ADGRG7: variants seen among roughly 807,000 people sequenced by gnomAD.
The protein encoded by ADGRG7 is adhesion G protein-coupled receptor G7.
ADGRG7 carries 82 observed loss-of-function variants against 88.6 expected under a neutral mutation model. That is an observed-to-expected ratio of 0.93 (90% confidence interval 0.77 to 1.11). The LOEUF is 1.11. Ranked by LOEUF, ADGRG7 falls within the 50% of genes most tolerant of loss-of-function variation. The pLI, the probability that ADGRG7 is intolerant of heterozygous loss-of-function variation, is 0.00. For synonymous variants in ADGRG7, 381 were observed against 345.2 expected (o/e 1.10, Z -1.15); for missense variants, 945 against 953.4 (o/e 0.99, Z 0.12).
intron 15 of ADGRG7, among the ~76,000 whole-genome samples, chr3:100,688,338 CA>C (rs2149043332): frequency 6.6e-6 from 1 of 152,274 alleles, no homozygotes; most frequent in African/African-American, 2.4e-5. Context: ...CTCCTGGATT[CA>C]TTGATTTTTT....
chr3:100,611,345 G>T (rs7624452), intron 1 of ADGRG7, among the ~76,000 whole-genome samples: 12 of 136,386 alleles, frequency 8.8e-5, no homozygotes, highest in East Asian at 2.0e-4. Context: ...CCTTCCCCCC[G>T]TTCCTTTTTT....
Position 100,660,002 on chromosome 3 carries a change from G to T in ADGRG7, c.1979+159G>T, listed in dbSNP as rs7650364. Among the ~76,000 whole-genome samples, 780 of 152,284 alleles carry T rather than the reference G, an allele frequency of 5.1e-3. 9 individuals are homozygous for T. Among genetic ancestry groups the T allele is most frequent in the African/African-American group, 0.018 (744 of 41,554 alleles). On this transcript the variant is annotated intron_variant, in intron 14 of 15. Transcript: ENST00000273352. ...TTTTCTCTTACACTTTGACTCAGAA[G>T]GTGGATCTTCTCGTCTTCTCACATC...
At chr3:100,655,808 A>G (rs2149029608) in intron 12 of ADGRG7, 91 bp from the exon 13 acceptor site, 1 of 767,062 alleles carries the variant, frequency 1.3e-6, no homozygotes, top group South Asian at 1.7e-5. Context: ...TACATCCTGA[A>G]GAGGGTCAGA....
chr3:100,616,247 C>A (rs1163357764), intron 1 of ADGRG7, among the ~76,000 whole-genome samples: 2 of 151,968 alleles, frequency 1.3e-5, no homozygotes, highest in Non-Finnish European at 2.9e-5. Flanking sequence ...GTTTACAATA[C>A]AAAATTACAT....
intron 14 of ADGRG7, among the ~76,000 whole-genome samples, chr3:100,663,156 C>T (rs528141959): frequency 1.2e-4 from 18 of 152,154 alleles, no homozygotes; most frequent in South Asian, 4.1e-4. Flanking sequence ...TTCTAATGTA[C>T]GGCAGGTCAA....
intron 13 of ADGRG7, 26 bp downstream of exon 13, chr3:100,656,021 C>T (rs1251437528): frequency 2.8e-6 from 4 of 1,409,926 alleles, no homozygotes; most frequent in African/African-American, 1.4e-5. Context: ...TTTAAATGTC[C>T]AATTGTTTGA....
intron 10 of ADGRG7, among the ~76,000 whole-genome samples, chr3:100,649,159 C>T (rs979023547): frequency 3.3e-5 from 5 of 152,150 alleles, no homozygotes; most frequent in Admixed American, 3.3e-4. Flanking sequence ...TGATTTTAGA[C>T]ATCAAGGAAA....
chr3:100,623,795 G>A (rs969592121), intron 1 of ADGRG7, among the ~76,000 whole-genome samples: 5 of 152,044 alleles, frequency 3.3e-5, no homozygotes, highest in African/African-American at 1.2e-4. Flanking sequence ...GTGAGAACAT[G>A]CGGTGTTTGG....
chr3:100,636,884 C>T (rs1016939186), intron 5 of ADGRG7, among the ~76,000 whole-genome samples: 2 of 152,174 alleles, frequency 1.3e-5, no homozygotes, highest in Admixed American at 1.3e-4. Context: ...AATAATTTTA[C>T]TAAGTCTAAC....
At chr3:100,616,284 A>G (rs1707223838) in intron 1 of ADGRG7, among the ~76,000 whole-genome samples, 1 of 152,218 alleles carries the variant, frequency 6.6e-6, no homozygotes, top group African/African-American at 2.4e-5. Context: ...GAGAGACATC[A>G]GATGTCATCA....
chr3:100,666,531 C>T (rs1427017869), intron 14 of ADGRG7, among the ~76,000 whole-genome samples: 12 of 152,228 alleles, frequency 7.9e-5, no homozygotes, highest in Admixed American at 7.8e-4. Flanking sequence ...AGCCCTAAGG[C>T]GGTTTTTCCC....
rs1219839461 is a variant in ADGRG7, at chr3:100,685,593, C to A, written c.2137-9151C>A. ...TCTGTGTCCATGTGTTCTCATTGTT[C>A]AATTCCCACCTATGAGTGAGAACAT... On this transcript the variant is annotated intron_variant, in intron 15 of 15. Transcript: ENST00000273352. 2.0e-5 allele frequency among the ~76,000 whole-genome samples: 3 copies of A among 152,214 alleles called. 1 individual carries two copies. Among genetic ancestry groups the A allele is most frequent in the African/African-American group, 7.2e-5 (3 of 41,522 alleles).
At chr3:100,685,570 T>G (rs564903701) in intron 15 of ADGRG7, among the ~76,000 whole-genome samples, 1 of 152,284 alleles carries the variant, frequency 6.6e-6, no homozygotes, top group East Asian at 1.9e-4. Context: ...TTCCCCTTTC[T>G]GTGTCCATGT....
chr3:100,615,391 C>T (rs959035283), intron 1 of ADGRG7, among the ~76,000 whole-genome samples: 2 of 152,084 alleles, frequency 1.3e-5, no homozygotes, highest in African/African-American at 4.8e-5. Flanking sequence ...ATTTCAGAGG[C>T]TAGAGTCTTG....
intron 15 of ADGRG7, among the ~76,000 whole-genome samples, chr3:100,681,306 T>TTTTC (rs200530587): frequency 7.4e-6 from 1 of 136,016 alleles, no homozygotes; most frequent in East Asian, 2.1e-4. Context: ...TTTTCTTTTC[T>TTTTC]TTTTTTTTTT....
rs1258457280 is a variant in ADGRG7, at chr3:100,629,581, AT to A, written c.116-14del. ...TCAGCCAGTTCATGACTATTCTGTTATTTATTGTTTCTTTAGGAAAATCTAC... is the reference window on the plus strand; with the variant it reads ...TCAGCCAGTTCATGACTATTCTGTTATTATTGTTTCTTTAGGAAAATCTAC... On this transcript the variant is annotated splice_polypyrimidine_tract_variant and intron_variant, in intron 1 of 15. Coordinates refer to ENST00000273352, the MANE Select transcript of ADGRG7 (RefSeq NM_032787.3). 6.4e-7 allele frequency: 1 copy of A among 1,567,972 alleles called. No individual in the cohort carries two copies. The highest frequency in any genetic ancestry group is 8.8e-7 in the Non-Finnish European group (1 of 1,138,846).
chr3:100,681,946 T>G (rs901659378), intron 15 of ADGRG7, among the ~76,000 whole-genome samples: 3 of 152,206 alleles, frequency 2.0e-5, no homozygotes, highest in Admixed American at 6.5e-5. Flanking sequence ...AGCAAGGGAA[T>G]AATTCAAGGA....
intron 1 of ADGRG7, among the ~76,000 whole-genome samples, chr3:100,613,104 G>A (rs1477230463): frequency 1.3e-5 from 2 of 152,154 alleles, no homozygotes; most frequent in African/African-American, 4.8e-5. Context: ...TGACCAAGCT[G>A]GTCTTGAACT....
At chr3:100,665,416 A>G in intron 14 of ADGRG7, 1 of 539,754 alleles carries the variant, frequency 1.9e-6, no homozygotes. Flanking sequence ...GTGAAAACGA[A>G]ACTTTCTCAG....
Sources: gnomAD v4.1 joint callset for allele counts (sites outside exome capture counted in the v4.1 genomes callset) on GRCh38, gnomAD v4.1.1 for gene constraint, MANE v1.5 for transcripts, NCBI Gene and HGNC (gene_info 2026-07-23, HGNC 2026-07-21) for gene names.